The following PYGO1 variants were observed in gnomAD, a reference collection of about 807,000 sequenced individuals.
PYGO1 encodes the protein pygopus homolog 1.
Under a neutral mutation model 29.5 loss-of-function variants are expected in PYGO1, and 6 were observed. The ratio of observed to expected loss-of-function variants is 0.20; its 90% CI spans 0.11 to 0.40. The LOEUF (loss-of-function observed/expected upper bound fraction) is 0.40. Ranked by LOEUF, PYGO1 falls within the 10% of genes least tolerant of loss-of-function variation. The pLI, the probability that PYGO1 is intolerant of heterozygous loss-of-function variation, is 1.00. For synonymous variants in PYGO1, 186 were observed against 180.5 expected (o/e 1.03, Z -0.24); for missense variants, 515 against 514.9 (o/e 1.00, Z 0.00).
In PYGO1 at chr15:55,546,042, G is replaced by A. The variant is rs1040577428; in HGVS notation, c.1241C>T (p.Ala414Val). ...MRTRETFGPS[A>V]VGSDA ...CTTTGATTAAGCATCACTGCCCACTGCAGATGGACCAAAAGTTTCTCTAGT... is the reference window on the plus strand; with the variant it reads ...CTTTGATTAAGCATCACTGCCCACTACAGATGGACCAAAAGTTTCTCTAGT... The change falls in exon 3 of 3, where the codon GCA becomes GTA. Residue 414 changes from alanine to valine, a missense_variant. By Grantham distance (64) the Ala-to-Val change is moderately conservative. Transcript: ENST00000563719. 6.2e-6 allele frequency: 10 copies of A among 1,611,170 alleles called. No homozygotes were observed. Among genetic ancestry groups the A allele is most frequent in the African/African-American group, 1.3e-5 (1 of 74,880 alleles).
At chr15:55,568,823 C>G (rs913882445) in intron 1 of PYGO1, among the ~76,000 whole-genome samples, 1 of 151,972 alleles carries the variant, frequency 6.6e-6, no homozygotes, top group African/African-American at 2.4e-5. Context: ...TTATCAAAAG[C>G]TTTTTTCATG....
In PYGO1 at chr15:55,548,955, T is replaced by C. The variant is rs140157229; in HGVS notation, c.90A>G (p.Val30=). 1 of 1,612,878 alleles carries C rather than the reference T, an allele frequency of 6.2e-7. No homozygotes were observed. The highest frequency in any genetic ancestry group is 1.7e-5 in the Admixed American group (1 of 59,904). ...SGLDGLGGPG[V]QLGSPDKKKR... ...TTTTCTTATCTGGGCTTCCTAGTTG[T>C]ACACCTGGTCCTCCTAACCCATCCA... The change falls in exon 2 of 3, where the codon GTA becomes GTG. Residue 30 remains valine (V), a synonymous_variant. Transcript: ENST00000563719.
chr15:55,569,658 A>T lies in PYGO1; in HGVS notation c.49+18177T>A, dbSNP rs2058972454. ...GTTTATTCCACCGTGGTCCAAAAGT[A>T]CTGTTGGTAGGATTTCAATTTTTTT... On this transcript the variant is annotated intron_variant, in intron 1 of 2. Coordinates refer to ENST00000563719, the MANE Select transcript of PYGO1 (RefSeq NM_001367806.1). 3.9e-5 allele frequency among the ~76,000 whole-genome samples: 6 copies of T among 152,328 alleles called. No individual in the cohort carries two copies. The South Asian group carries it at 1.2e-3, about 32-fold the overall frequency.
intron 1 of PYGO1, among the ~76,000 whole-genome samples, chr15:55,556,115 A>C (rs549991882): frequency 6.6e-6 from 1 of 152,260 alleles, no homozygotes; most frequent in South Asian, 2.1e-4. Flanking sequence ...AAAATTAACA[A>C]AGATATTCAG....
chr15:55,550,437 C>T (rs4502151), intron 1 of PYGO1, among the ~76,000 whole-genome samples: 1 of 152,156 alleles, frequency 6.6e-6, no homozygotes, highest in African/African-American at 2.4e-5. Flanking sequence ...TCCCAACAGG[C>T]CTTCTCTCTG....
chr15:55,564,141 G>A (rs1222537491), intron 1 of PYGO1, among the ~76,000 whole-genome samples: 2 of 152,126 alleles, frequency 1.3e-5, no homozygotes, highest in Non-Finnish European at 2.9e-5. Context: ...AGTATTATTT[G>A]TAATAGCCAA....
chr15:55,578,636 G>T (rs1381504929), intron 1 of PYGO1, among the ~76,000 whole-genome samples: 1 of 152,010 alleles, frequency 6.6e-6, no homozygotes, highest in African/African-American at 2.4e-5. Context: ...TGTACTTATG[G>T]ACCATATATA....
upstream of PYGO1, chr15:55,588,774 C>T (rs746730204): frequency 8.7e-6 from 14 of 1,610,250 alleles, no homozygotes; most frequent in East Asian, 2.2e-5. Flanking sequence ...GTCTCGGCCT[C>T]GCAGCTAGGG....
At chr15:55,552,765 G>C (rs1269694823) in intron 1 of PYGO1, among the ~76,000 whole-genome samples, 1 of 152,142 alleles carries the variant, frequency 6.6e-6, no homozygotes, top group Non-Finnish European at 1.5e-5. Flanking sequence ...GGCACACACA[G>C]AGACCCAGGA....
At position 55,573,665 on chromosome 15, in the gene PYGO1, G is replaced by T. The variant is rs570280223; in HGVS notation, c.49+14170C>A. Reference sequence around the variant, plus strand: ...GATATAGTTGATTCTTGAACAATGCGGATGTTAGAAGCTCTGATACTCTGT... The same window carrying T: ...GATATAGTTGATTCTTGAACAATGCTGATGTTAGAAGCTCTGATACTCTGT... On this transcript the variant is annotated intron_variant, in intron 1 of 2. Coordinates refer to ENST00000563719, the MANE Select transcript of PYGO1 (RefSeq NM_001367806.1). Among the ~76,000 whole-genome samples the T allele has an allele frequency of 1.4e-4, 22 of 152,178 alleles. No individual in the cohort carries two copies. In the South Asian group the frequency reaches 2.7e-3, roughly 19 times the overall value.
At chr15:55,553,893 T>C (rs946392562) in intron 1 of PYGO1, among the ~76,000 whole-genome samples, 8 of 152,040 alleles carry the variant, frequency 5.3e-5, no homozygotes, top group African/African-American at 1.7e-4. Flanking sequence ...CTGAGGCAAC[T>C]AGGGTCAGGA....
At position 55,542,891 on chromosome 15, in the gene PYGO1, T is replaced by C. The variant is rs1253514949; in HGVS notation, c.*3132A>G. On this transcript the variant is annotated 3_prime_UTR_variant, in exon 3 of 3. Coordinates refer to ENST00000563719, the MANE Select transcript of PYGO1 (RefSeq NM_001367806.1). ...TTGCAGTGAGCCGAGATCTCATCAC[T>C]GCACTCCAGCCTGGGCAACAGAGCA... is the stretch of plus-strand genomic sequence containing the variant. The C allele has an allele frequency of 1.3e-5, 2 of 152,010 alleles. No homozygotes were observed. The highest frequency in any genetic ancestry group is 1.9e-4 in the East Asian group (1 of 5,186). The allele number at this position is 152,010 out of a possible 1,614,324, so 9.4% of individuals were successfully genotyped here.
Position 55,572,911 on chromosome 15 carries a change from G to C in PYGO1, c.49+14924C>G, listed in dbSNP as rs138404417. 1.3e-3 allele frequency among the ~76,000 whole-genome samples: 196 copies of C among 151,738 alleles called. 1 individual carries two copies. The highest frequency in any genetic ancestry group is 4.6e-3 in the African/African-American group (189 of 41,382). ...AATAAAGCCAGGTGTGGTAGCTAAT[G>C]TCTGTAATCCCAGCACATTGGGAGG... is the stretch of plus-strand genomic sequence containing the variant. On this transcript the variant is annotated intron_variant, in intron 1 of 2. Transcript: ENST00000563719.
intron 1 of PYGO1, among the ~76,000 whole-genome samples, chr15:55,585,541 C>T (rs909116542): frequency 6.6e-6 from 1 of 151,932 alleles, no homozygotes; most frequent in African/African-American, 2.4e-5. Context: ...GAAAATTCTC[C>T]CCATAACATA....
In PYGO1 at chr15:55,539,009, T is replaced by C. The variant is rs2058818211; in HGVS notation, c.*7014A>G. The stretch of plus-strand genomic sequence containing the variant: ...ACATCATTTCTACTAATGGTAGGTC[T>C]ATATACTGATAAACAACATTCCTTA... On this transcript the variant is annotated 3_prime_UTR_variant, in exon 3 of 3. Coordinates refer to ENST00000563719, the MANE Select transcript of PYGO1 (RefSeq NM_001367806.1). 1 of 152,230 alleles carries C rather than the reference T, an allele frequency of 6.6e-6. No homozygotes were observed. The highest frequency in any genetic ancestry group is 1.5e-5 in the Non-Finnish European group (1 of 68,036). 9.4% of individuals were successfully genotyped at this position (152,230 alleles called of 1,614,324 possible). A position where few individuals can be genotyped will look rare whatever the true frequency, so the allele number is the denominator to read the frequency against.
rs1201474006 is a variant in PYGO1 at position 55,539,398 on chromosome 15, A to AT, written c.*6624dup. 9.2e-5 allele frequency: 14 copies of AT among 152,072 alleles called. No homozygotes were observed. Among genetic ancestry groups the AT allele is most frequent in the Non-Finnish European group, 2.1e-4 (14 of 67,954 alleles). The allele number at this position is 152,072 out of a possible 1,614,324, so 9.4% of individuals were successfully genotyped here. ...CTATATTCAATCAGTTATCAAGCCA[A>AT]TTTCATTTGTCTGAGAATTGTAACC... On this transcript the variant is annotated 3_prime_UTR_variant, in exon 3 of 3. Transcript: ENST00000563719.
chr15:55,572,077 A>G lies in PYGO1; in HGVS notation c.49+15758T>C, dbSNP rs556546696. Among the ~76,000 whole-genome samples, 7 of 152,310 alleles carry G rather than the reference A, an allele frequency of 4.6e-5. No individual in the cohort carries two copies. The East Asian group carries it at 1.3e-3, about 29-fold the overall frequency. ...TCCACAGAAAAAGAAAAAAAATCCT[A>G]AAATTCATATGGAACCACTAAAGAT... On this transcript the variant is annotated intron_variant, in intron 1 of 2. Transcript: ENST00000563719.
intron 1 of PYGO1, among the ~76,000 whole-genome samples, chr15:55,579,280 G>T (rs2059016472): frequency 6.6e-6 from 1 of 152,114 alleles, no homozygotes; most frequent in Non-Finnish European, 1.5e-5. Context: ...CCTTGAGATG[G>T]TGATGAGTCT....
chr15:55,576,544 G>A (rs2141673551), intron 1 of PYGO1, among the ~76,000 whole-genome samples: 1 of 149,278 alleles, frequency 6.7e-6, no homozygotes, highest in South Asian at 2.2e-4. Context: ...GCCAAGGCAG[G>A]CAGATCACCT....
Sources: allele counts gnomAD v4.1 joint callset (sites outside exome capture counted in the v4.1 genomes callset), GRCh38; gene constraint gnomAD v4.1.1; transcripts MANE v1.5; gene names NCBI Gene and HGNC (gene_info 2026-07-23, HGNC 2026-07-21).